Variants in HMOX2 observed in about 807,000 individuals in gnomAD.
HMOX2 encodes the protein heme oxygenase 2.
In HMOX2, 30 loss-of-function variants were observed where a neutral mutation model predicts 33.7. The observed-to-expected ratio is 0.89, with a 90% CI of 0.67 to 1.21. The LOEUF is 1.21. HMOX2 is among the 50% of genes most tolerant of loss of function. The probability of loss-of-function intolerance (pLI) is 0.00; values close to 1 mark genes in which losing one functional copy is unlikely to be tolerated. For missense variants in HMOX2, 403 were observed against 399.1 expected (o/e 1.01, Z -0.08); for synonymous variants, 155 against 155.0 (o/e 1.00, Z 0.00).
intron 1 of HMOX2, among the ~76,000 whole-genome samples, chr16:4,499,763 C>T (rs539454162): frequency 6.6e-6 from 1 of 152,226 alleles, no homozygotes; most frequent in African/African-American, 2.4e-5. Flanking sequence ...TACATGTGTC[C>T]AAACATCACA....
At chr16:4,495,298 G>A (rs1339474278) in intron 1 of HMOX2, among the ~76,000 whole-genome samples, 2 of 152,150 alleles carry the variant, frequency 1.3e-5, no homozygotes, top group Non-Finnish European at 2.9e-5. Context: ...TTGGGTGTAG[G>A]CAGGGCCTGC....
At chr16:4,479,341 C>A (rs1366815316) in intron 1 of HMOX2, 1 of 152,112 alleles carries the variant, frequency 6.6e-6, no homozygotes, top group African/African-American at 2.4e-5. Context: ...GGGATTATGA[C>A]TAGGAATCTG....
At position 4,506,885 on chromosome 16, in the gene HMOX2, C is replaced by A; in HGVS notation, c.87-10C>A. 2 of 1,597,950 alleles carry A rather than the reference C, an allele frequency of 1.3e-6. No individual in the cohort carries two copies. The highest frequency in any genetic ancestry group is 2.2e-5 in the South Asian group (2 of 90,774). ...TAATTGACACACAAACACCTCCCAT[C>A]TCTCCACAGAATGGCTGACCTCTCG... is the stretch of plus-strand genomic sequence containing the variant. On this transcript the variant is annotated splice_polypyrimidine_tract_variant and intron_variant, in intron 2 of 5. Coordinates refer to ENST00000570646, the MANE Select transcript of HMOX2 (RefSeq NM_002134.4).
chr16:4,509,934 C>A lies in HMOX2; in HGVS notation c.*178C>A. The A allele has an allele frequency of 1.4e-6, 1 of 693,144 alleles. No individual in the cohort carries two copies. The highest frequency in any genetic ancestry group is 2.4e-6 in the Non-Finnish European group (1 of 419,468). 42.9% of individuals were successfully genotyped at this position (693,144 alleles called of 1,614,324 possible). A position where few individuals can be genotyped will look rare whatever the true frequency, so the allele number is the denominator to read the frequency against. ...GCCTGACAGCATCCTCTCTATGGGC[C>A]ATATTCCGCACTGGGCACAGGCCGT... is the stretch of plus-strand genomic sequence containing the variant. On this transcript the variant is annotated 3_prime_UTR_variant, in exon 6 of 6. Transcript: ENST00000570646.
chr16:4,477,807 G>C (rs2057908271), intron 1 of HMOX2, among the ~76,000 whole-genome samples: 1 of 152,200 alleles, frequency 6.6e-6, no homozygotes, highest in African/African-American at 2.4e-5. Flanking sequence ...TGTAATCCCA[G>C]CTACTGGGGA....
At chr16:4,502,142 C>G (rs1168477330) in intron 1 of HMOX2, among the ~76,000 whole-genome samples, 1 of 152,058 alleles carries the variant, frequency 6.6e-6, no homozygotes, top group East Asian at 1.9e-4. Context: ...CCAGGCTGGT[C>G]TCGAACTGCT....
chr16:4,481,356 A>AG (rs1324256908), intron 1 of HMOX2, among the ~76,000 whole-genome samples: 2 of 151,894 alleles, frequency 1.3e-5, no homozygotes, highest in African/African-American at 2.4e-5. Flanking sequence ...CTCAAAAAAA[A>AG]AAAAAAAAAG....
intron 1 of HMOX2, among the ~76,000 whole-genome samples, chr16:4,490,916 A>G (rs979902166): frequency 1.3e-5 from 2 of 150,942 alleles, no homozygotes; most frequent in Non-Finnish European, 3.0e-5. Flanking sequence ...GTGGTGGGGT[A>G]TGTGTGTGTG....
chr16:4,507,360 A>G (rs1279715111), intron 3 of HMOX2, among the ~76,000 whole-genome samples: 2 of 151,654 alleles, frequency 1.3e-5, no homozygotes, highest in East Asian at 3.9e-4. Context: ...TGGGAGAGTC[A>G]CTTGAACCTG....
chr16:4,478,322 T>C (rs1414272329), intron 1 of HMOX2, among the ~76,000 whole-genome samples: 1 of 152,196 alleles, frequency 6.6e-6, no homozygotes, highest in Non-Finnish European at 1.5e-5. Context: ...ACTTGTAAAA[T>C]TGGACAGCTA....
intron 1 of HMOX2, among the ~76,000 whole-genome samples, chr16:4,490,179 C>T (rs2058271380): frequency 6.6e-6 from 1 of 152,146 alleles, no homozygotes; most frequent in African/African-American, 2.4e-5. Context: ...TAATATCAGG[C>T]CTACAATATT....
At chr16:4,505,958 A>G (rs1195030527) in intron 2 of HMOX2, among the ~76,000 whole-genome samples, 2 of 152,232 alleles carry the variant, frequency 1.3e-5, no homozygotes, top group African/African-American at 4.8e-5. Flanking sequence ...CTTTTACCAC[A>G]TAAAAGACTG....
At chr16:4,505,448 TG>T in intron 1 of HMOX2, 35 bp from the exon 2 acceptor site, 1 of 1,062,458 alleles carries the variant, frequency 9.4e-7, no homozygotes, top group Non-Finnish European at 1.4e-6. Flanking sequence ...GTGACTGCCG[TG>T]GGTGCCACAT....
rs981068956 is a variant in HMOX2 at position 4,507,089 on chromosome 16, C to T, written c.204+77C>T. On this transcript the variant is annotated intron_variant, in intron 3 of 5. Coordinates refer to ENST00000570646, the MANE Select transcript of HMOX2 (RefSeq NM_002134.4). ...CCTTGGTCCCATGAGAAAAGTGCCC[C>T]TGGAGCCACTCTGAGGGAAAAGCTG... The T allele has an allele frequency of 3.4e-6, 3 of 883,614 alleles. No homozygotes were observed. The African/African-American group carries it at 5.0e-5, about 15-fold the overall frequency. The allele number at this position is 883,614 out of a possible 1,614,324, so 54.7% of individuals were successfully genotyped here.
At chr16:4,504,835 G>C (rs1312671984) in intron 1 of HMOX2, among the ~76,000 whole-genome samples, 1 of 151,562 alleles carries the variant, frequency 6.6e-6, no homozygotes, top group Non-Finnish European at 1.5e-5. Context: ...GATTACAAGT[G>C]TGCACCACCA....
At position 4,509,696 on chromosome 16, in the gene HMOX2, G is replaced by T; in HGVS notation, c.891G>T (p.Gln297His). Residue 297 changes from glutamine to histidine, a missense_variant, in exon 6 of 6, where the codon CAG becomes CAT. Coordinates refer to ENST00000570646, the MANE Select transcript of HMOX2 (RefSeq NM_002134.4). ...CTGTGCTGAGGAAGCCCAGCCTCCA[G>T]TTCATCCTGGCCGCTGGTGTGGCCC... ...AMAVLRKPSL[Q>H]FILAAGVALA... is the part of the protein sequence containing the mutation. 1 of 1,608,720 alleles carries T rather than the reference G, an allele frequency of 6.2e-7. No individual in the cohort carries two copies. The highest frequency in any genetic ancestry group is 8.5e-7 in the Non-Finnish European group (1 of 1,175,116).
intron 1 of HMOX2, among the ~76,000 whole-genome samples, chr16:4,481,389 T>C (rs892155732): frequency 2.6e-5 from 4 of 151,706 alleles, no homozygotes; most frequent in Non-Finnish European, 4.4e-5. Flanking sequence ...CAATCTGGCA[T>C]TATAATGCCA....
At chr16:4,499,186 C>T (rs2058497980) in intron 1 of HMOX2, among the ~76,000 whole-genome samples, 1 of 152,220 alleles carries the variant, frequency 6.6e-6, no homozygotes, top group African/African-American at 2.4e-5. Flanking sequence ...GCGACTTCCT[C>T]AGTAAGAGCT....
intron 1 of HMOX2, among the ~76,000 whole-genome samples, chr16:4,479,852 CCTCAGT>C (rs1185785059): frequency 6.7e-6 from 1 of 148,196 alleles, no homozygotes; most frequent in African/African-American, 2.5e-5. Flanking sequence ...GATTCTCCAG[CCTCAGT>C]CTCCTGAGTA....
Sources: gnomAD v4.1 joint callset for allele counts (sites outside exome capture counted in the v4.1 genomes callset) on GRCh38, gnomAD v4.1.1 for gene constraint, MANE v1.5 for transcripts, NCBI Gene and HGNC (gene_info 2026-07-23, HGNC 2026-07-21) for gene names.